RPS18: variants seen among roughly 807,000 people sequenced by gnomAD.
The protein encoded by RPS18 is ribosomal protein S18.
For missense variants in RPS18, 49 were observed against 200.8 expected, an observed-to-expected ratio of 0.24 and a Z score of 4.57; for synonymous variants, 64 against 70.9, an observed-to-expected ratio of 0.90 and a Z score of 0.49.
intron 2 of RPS18, among the ~76,000 whole-genome samples, chr6:33,273,231 T>C (rs1032141383): frequency 3.3e-5 from 5 of 152,242 alleles, no homozygotes; most frequent in African/African-American, 1.2e-4. Flanking sequence ...TGAGCCATAA[T>C]TGACACTCCT....
intron 1 of RPS18, 63 bp downstream of exon 1, chr6:33,272,185 T>C (rs1030692595): frequency 2.5e-5 from 38 of 1,546,356 alleles, no homozygotes; most frequent in South Asian, 1.4e-4. Context: ...AAGCCGGCTG[T>C]CAGGGTTCTG....
chr6:33,275,946 A>C lies in RPS18; in HGVS notation c.190-19A>C. ...TCAGAAAGGGGTCCATCTAGATCTGACCTTGGTCTGCCTGCCAGGTGGAAC... is the reference window on the plus strand; with the variant it reads ...TCAGAAAGGGGTCCATCTAGATCTGCCCTTGGTCTGCCTGCCAGGTGGAAC... On this transcript the variant is annotated intron_variant, in intron 3 of 5. Transcript: ENST00000439602. 1 of 1,612,924 alleles carries C rather than the reference A, an allele frequency of 6.2e-7. No homozygotes were observed. Among genetic ancestry groups the C allele is most frequent in the Middle Eastern group, 1.7e-4 (1 of 6,038 alleles).
In RPS18 at chr6:33,272,088, G is replaced by T. The variant is rs768812883; in HGVS notation, c.-32G>T. On this transcript the variant is annotated 5_prime_UTR_variant, in exon 1 of 6. Transcript: ENST00000439602. Reference sequence around the variant, plus strand: ...GTCACTTCCGCTCTCTCTTCCACAGGAGGCCTACACGCCGCCGCTTGTGCT... The same window carrying T: ...GTCACTTCCGCTCTCTCTTCCACAGTAGGCCTACACGCCGCCGCTTGTGCT... The T allele has an allele frequency of 6.4e-7, 1 of 1,564,572 alleles. No homozygotes were observed. The highest frequency in any genetic ancestry group is 1.2e-5 in the South Asian group (1 of 85,068).
chr6:33,272,543 T>C (rs1562590500), intron 1 of RPS18, 85 bp from the exon 2 acceptor site: 4 of 780,342 alleles, frequency 5.1e-6, no homozygotes, highest in African/African-American at 1.7e-5. Context: ...GCTTAACCTT[T>C]TTGTATGAAG....
chr6:33,274,844 A>C (rs1765520194), intron 2 of RPS18, among the ~76,000 whole-genome samples: 1 of 152,154 alleles, frequency 6.6e-6, no homozygotes, highest in Admixed American at 6.6e-5. Flanking sequence ...GGACAAAATG[A>C]GGGGCAGGGC....
intron 4 of RPS18, 43 bp downstream of exon 4, chr6:33,276,109 G>A (rs760894471): frequency 1.2e-6 from 2 of 1,605,332 alleles, no homozygotes; most frequent in South Asian, 2.2e-5. Context: ...AGGGTGGAGG[G>A]TCCTAACAGA....
chr6:33,275,808 A>G lies in RPS18; in HGVS notation c.114A>G (p.Arg38=). The change falls in exon 3 of 6, where the codon CGA becomes CGG. Residue 38 remains arginine (R), a synonymous_variant. Transcript: ENST00000439602. ...CTCACTTCATTCAGGGTGTGGGCCG[A>G]AGATATGCTCATGTGGTGTTGAGGA... ...FAITAIKGVG[R]RYAHVVLRKA... 1 of 1,611,206 alleles carries G rather than the reference A, an allele frequency of 6.2e-7. No homozygotes were observed. The highest frequency in any genetic ancestry group is 8.5e-7 in the Non-Finnish European group (1 of 1,178,170).
chr6:33,272,544 T>C, intron 1 of RPS18, 84 bp from the exon 2 acceptor site: 1 of 780,032 alleles, frequency 1.3e-6, no homozygotes, highest in East Asian at 2.4e-5. Flanking sequence ...CTTAACCTTT[T>C]TGTATGAAGT....
rs772508528 is a variant in RPS18 at position 33,272,095 on chromosome 6, A to G, written c.-25A>G. 2.3e-5 allele frequency: 36 copies of G among 1,565,862 alleles called. No individual in the cohort carries two copies. The highest frequency in any genetic ancestry group is 7.0e-5 in the South Asian group (6 of 85,182). On this transcript the variant is annotated 5_prime_UTR_variant, in exon 1 of 6. Coordinates refer to ENST00000439602, the MANE Select transcript of RPS18 (RefSeq NM_022551.3). Reference sequence around the variant, plus strand: ...CCGCTCTCTCTTCCACAGGAGGCCTACACGCCGCCGCTTGTGCTGCAGCCA... The same window carrying G: ...CCGCTCTCTCTTCCACAGGAGGCCTGCACGCCGCCGCTTGTGCTGCAGCCA...
chr6:33,276,144 A>G, intron 4 of RPS18, 32 bp from the exon 5 acceptor site: 1 of 1,609,694 alleles, frequency 6.2e-7, no homozygotes, highest in Non-Finnish European at 8.5e-7. Context: ...GTCAGGGGAT[A>G]AAACATCCCT....
intron 2 of RPS18, chr6:33,275,236 GA>G (rs11302500): frequency 0.12 from 19,329 of 156,458 alleles, 1,343 homozygotes; most frequent in South Asian, 0.2. Flanking sequence ...AGCAATGGGG[GA>G]AAAAAAAGAT....
chr6:33,272,848 TAAGAA>T, intron 2 of RPS18, 122 bp downstream of exon 2: 1 of 702,820 alleles, frequency 1.4e-6, no homozygotes, highest in Non-Finnish European at 2.7e-6. Flanking sequence ...ACTGCTGGAT[TAAGAA>T]AAGAAAGTGG....
At position 33,276,480 on chromosome 6, in the gene RPS18, G is replaced by A. The variant is rs1765630466; in HGVS notation, c.*14G>A. 1 of 1,577,148 alleles carries A rather than the reference G, an allele frequency of 6.3e-7. No individual in the cohort carries two copies. Among genetic ancestry groups the A allele is most frequent in the Non-Finnish European group, 8.7e-7 (1 of 1,151,390 alleles). Reference sequence around the variant, plus strand: ...AAGAAGAAATAAGTCTGTAGGCCTTGTCTGTTAATAAATAGTTTATATACC... The same window carrying A: ...AAGAAGAAATAAGTCTGTAGGCCTTATCTGTTAATAAATAGTTTATATACC... On this transcript the variant is annotated 3_prime_UTR_variant, in exon 6 of 6. Coordinates refer to ENST00000439602, the MANE Select transcript of RPS18 (RefSeq NM_022551.3).
At position 33,276,406 on chromosome 6, in the gene RPS18, C is replaced by T; in HGVS notation, c.399C>T (p.Gly133=). The T allele has an allele frequency of 6.2e-7, 1 of 1,614,010 alleles. No homozygotes were observed. Among genetic ancestry groups the T allele is most frequent in the Non-Finnish European group, 8.5e-7 (1 of 1,179,906 alleles). Residue 133 remains glycine (G), a synonymous_variant, in exon 6 of 6, where the codon GGC becomes GGT. Transcript: ENST00000439602. ...TTACCTGCAGCCTTCGTGTCCGAGG[C>T]CAGCACACCAAGACCACTGGCCGCC... The part of the protein sequence containing the change: ...LRHFWGLRVR[G]QHTKTTGRRG...
intron 2 of RPS18, among the ~76,000 whole-genome samples, chr6:33,273,146 A>T (rs1281911110): frequency 6.6e-6 from 1 of 152,218 alleles, no homozygotes; most frequent in African/African-American, 2.4e-5. Context: ...ATAAGTAGAA[A>T]TACCAACAGA....
intron 2 of RPS18, among the ~76,000 whole-genome samples, chr6:33,274,036 C>A (rs1765472151): frequency 6.6e-6 from 1 of 152,222 alleles, no homozygotes; most frequent in Non-Finnish European, 1.5e-5. Flanking sequence ...TATCTCACTG[C>A]AACCTCAGCC....
At chr6:33,275,761 T>G in intron 2 of RPS18, 36 bp from the exon 3 acceptor site, 2 of 1,334,998 alleles carry the variant, frequency 1.5e-6, no homozygotes. Context: ...AAAAATCAGA[T>G]TCAACACTAA....
chr6:33,274,541 A>T lies in RPS18; in HGVS notation c.103-1256A>T, dbSNP rs372930652. Among the ~76,000 whole-genome samples, 119 of 152,336 alleles carry T rather than the reference A, an allele frequency of 7.8e-4. 1 individual carries two copies. The highest frequency in any genetic ancestry group is 5.2e-3 in the South Asian group (25 of 4,824). On this transcript the variant is annotated intron_variant, in intron 2 of 5. Coordinates refer to ENST00000439602, the MANE Select transcript of RPS18 (RefSeq NM_022551.3). ...CATTTGTTTTAGTTTCCTGGAGCCT[A>T]CTGTAACAAGTTCATATAAACTAAG...
intron 2 of RPS18, among the ~76,000 whole-genome samples, chr6:33,274,239 C>T (rs757438351): frequency 1.3e-5 from 2 of 152,160 alleles, no homozygotes; most frequent in African/African-American, 2.4e-5. Flanking sequence ...TTGAGACTGT[C>T]GCCCAGGCTG....
Sources: allele counts gnomAD v4.1 joint callset (sites outside exome capture counted in the v4.1 genomes callset), GRCh38; gene constraint gnomAD v4.1.1; transcripts MANE v1.5; gene names NCBI Gene and HGNC (gene_info 2026-07-23, HGNC 2026-07-21).